Variants in ACTL8 observed in about 807,000 individuals in gnomAD.
ACTL8 encodes the protein actin-like protein 8.
A neutral mutation model predicts 9.3 loss-of-function variants in ACTL8; 3 were observed. The observed-to-expected ratio is 0.32, with a 90% CI of 0.15 to 0.83. The LOEUF (loss-of-function observed/expected upper bound fraction) is 0.83, where lower values mean the gene tolerates loss of function less well. Ranked by LOEUF, ACTL8 falls within the 40% of genes least tolerant of loss-of-function variation. The probability of loss-of-function intolerance (pLI) is 0.57; values close to 1 mark genes in which losing one functional copy is unlikely to be tolerated. For synonymous variants in ACTL8, 224 were observed against 205.9 expected, an observed-to-expected ratio of 1.09 and a Z score of -0.75; for missense variants, 381 against 492.2, an observed-to-expected ratio of 0.77 and a Z score of 2.14.
intron 1 of ACTL8, among the ~76,000 whole-genome samples, chr1:17,800,262 C>T (rs1374529329): frequency 1.3e-5 from 2 of 152,192 alleles, no homozygotes; most frequent in Non-Finnish European, 2.9e-5. Context: ...TCTTGAGCAT[C>T]TGATTCAATT....
intron 1 of ACTL8, among the ~76,000 whole-genome samples, chr1:17,820,020 T>A (rs2053639152): frequency 6.6e-6 from 1 of 151,904 alleles, no homozygotes; most frequent in South Asian, 2.1e-4. Flanking sequence ...AAAAAAAAAC[T>A]TTGTTTTTAC....
intron 1 of ACTL8, among the ~76,000 whole-genome samples, chr1:17,773,789 A>G (rs1166182246): frequency 6.6e-6 from 1 of 152,252 alleles, no homozygotes; most frequent in East Asian, 1.9e-4. Context: ...ATTCATGCAG[A>G]GTCCATAGAA....
intron 1 of ACTL8, among the ~76,000 whole-genome samples, chr1:17,791,538 G>A (rs1167461658): frequency 1.3e-5 from 2 of 152,216 alleles, no homozygotes; most frequent in African/African-American, 4.8e-5. Context: ...CAGCTCAAGT[G>A]CCTGGTGGTG....
At chr1:17,779,935 A>G (rs1350040741) in intron 1 of ACTL8, among the ~76,000 whole-genome samples, 1 of 152,166 alleles carries the variant, frequency 6.6e-6, no homozygotes, top group East Asian at 1.9e-4. Context: ...GGCTGGGTGC[A>G]GTGGCTCATA....
In ACTL8 at chr1:17,779,738, C is replaced by T. The variant is rs139098630; in HGVS notation, c.-25+24234C>T. On this transcript the variant is annotated intron_variant, in intron 1 of 2. Transcript: ENST00000375406. ...AGGGGACAGACCACAAGCACACAGA[C>T]GTCCCGCTGCTTTTTAACAGTCTTA... Among the ~76,000 whole-genome samples the T allele has an allele frequency of 2.9e-4, 44 of 152,288 alleles. 1 individual carries two copies. Among genetic ancestry groups the T allele is most frequent in the Admixed American group, 1.2e-3 (18 of 15,296 alleles).
chr1:17,786,027 A>G (rs1013428381), intron 1 of ACTL8, among the ~76,000 whole-genome samples: 13 of 152,104 alleles, frequency 8.5e-5, no homozygotes, highest in African/African-American at 2.9e-4. Context: ...GCTCCAGCCT[A>G]TTTCTGGCTC....
intron 1 of ACTL8, among the ~76,000 whole-genome samples, chr1:17,758,982 T>C (rs542391543): frequency 1.6e-4 from 25 of 152,314 alleles, no homozygotes; most frequent in Middle Eastern, 3.4e-3. Context: ...ATATAGTCCA[T>C]GACGACTCCT....
chr1:17,810,777 T>TA (rs1356723679), intron 1 of ACTL8, among the ~76,000 whole-genome samples: 5 of 152,346 alleles, frequency 3.3e-5, no homozygotes, highest in Admixed American at 6.5e-5. Context: ...GTAAGTCTGG[T>TA]TTATTTCATG....
chr1:17,769,964 T>C (rs940985075), intron 1 of ACTL8, among the ~76,000 whole-genome samples: 3 of 152,208 alleles, frequency 2.0e-5, no homozygotes, highest in Non-Finnish European at 4.4e-5. Flanking sequence ...GTCTGGATTA[T>C]TTGGGTCTCC....
chr1:17,819,049 G>GCCTCCCAGCCTCCT (rs1404148146), intron 1 of ACTL8, among the ~76,000 whole-genome samples: 1 of 152,180 alleles, frequency 6.6e-6, no homozygotes, highest in Non-Finnish European at 1.5e-5. Flanking sequence ...AATGGCCCCT[G>GCCTCCCAGCCTCCT]CCTCCCAGCC....
rs201038955 is a variant in ACTL8 at position 17,823,220 on chromosome 1, G to T, written c.212G>T (p.Arg71Leu). The T allele has an allele frequency of 8.1e-6, 13 of 1,614,016 alleles. No homozygotes were observed. Among genetic ancestry groups the T allele is most frequent in the Non-Finnish European group, 1.1e-5 (13 of 1,180,030 alleles). ...TTTAGCTACCCCATCGAGCGGGGCC[G>T]CATCCTCAACTGGGAGGGTGTGCAG... is the stretch of plus-strand genomic sequence containing the variant. ...DTFSYPIERG[R>L]ILNWEGVQYL... Residue 71 changes from arginine (R) to leucine (L), a missense_variant, in exon 2 of 3, where the codon CGC (arginine) becomes CTC (leucine). By Grantham distance (102) the Arg-to-Leu change is moderately radical. Transcript: ENST00000375406. The surrounding 1 kb of genome is among the most constrained non-coding windows in gnomAD (Gnocchi z 5.3).
chr1:17,820,568 CTTTTTTT>C (rs36094618), intron 1 of ACTL8, among the ~76,000 whole-genome samples: 37 of 139,546 alleles, frequency 2.7e-4, no homozygotes, highest in African/African-American at 7.7e-4. Flanking sequence ...GTATGTTGAA[CTTTTTTT>C]TTTTTTTTTG....
At chr1:17,789,975 T>C (rs2066226159) in intron 1 of ACTL8, among the ~76,000 whole-genome samples, 1 of 152,192 alleles carries the variant, frequency 6.6e-6, no homozygotes, top group Admixed American at 6.5e-5. Context: ...GTCCCACGCC[T>C]GCCAAGGGAG....
intron 1 of ACTL8, among the ~76,000 whole-genome samples, chr1:17,820,162 T>TC (rs1208055760): frequency 6.6e-6 from 1 of 152,144 alleles, no homozygotes; most frequent in Non-Finnish European, 1.5e-5. Flanking sequence ...CCTCTGGTCA[T>TC]CCCCTCTCAC....
Position 17,768,751 on chromosome 1 carries a change from C to T in ACTL8, c.-25+13247C>T, listed in dbSNP as rs115611515. On this transcript the variant is annotated intron_variant, in intron 1 of 2. Transcript: ENST00000375406. ...GTCAGGCTCACTGCAGGGGCGAAGG[C>T]CTGGAGGCTGGGTTTGGTGGAGGTG... is the stretch of plus-strand genomic sequence containing the variant. 8.6e-3 allele frequency among the ~76,000 whole-genome samples: 1,315 copies of T among 152,142 alleles called. 17 individuals carry two copies. The highest frequency in any genetic ancestry group is 0.03 in the African/African-American group (1,241 of 41,484).
At chr1:17,797,225 C>G (rs999160990) in intron 1 of ACTL8, among the ~76,000 whole-genome samples, 3 of 152,196 alleles carry the variant, frequency 2.0e-5, no homozygotes, top group Non-Finnish European at 4.4e-5. Context: ...AGGACAGCAG[C>G]TGCCACCTGC....
chr1:17,822,673 G>A (rs2053673411), intron 1 of ACTL8, among the ~76,000 whole-genome samples: 2 of 152,186 alleles, frequency 1.3e-5, no homozygotes, highest in Non-Finnish European at 2.9e-5. Flanking sequence ...CCTTTGCAGA[G>A]TTGGATTGTG....
chr1:17,798,797 C>A (rs943773100), intron 1 of ACTL8, among the ~76,000 whole-genome samples: 6 of 152,198 alleles, frequency 3.9e-5, no homozygotes, highest in African/African-American at 1.4e-4. Context: ...GCTCCTGGAC[C>A]CTCCTGGTGG....
Position 17,823,287 on chromosome 1 carries a change from A to T in ACTL8, c.279A>T (p.Gln93His). The T allele has an allele frequency of 6.2e-7, 1 of 1,614,124 alleles. No individual in the cohort carries two copies. Among genetic ancestry groups the T allele is most frequent in the Non-Finnish European group, 8.5e-7 (1 of 1,179,998 alleles). Residue 93 changes from glutamine (Q) to histidine (H), a missense_variant, in exon 2 of 3, where the codon CAA becomes CAT. Gln to His is a conservative substitution (Grantham distance 24). This residue lies in a region of ACTL8 where 125 missense variants were observed against 180.7 expected (regional missense o/e 0.69). Coordinates refer to ENST00000375406, the MANE Select transcript of ACTL8 (RefSeq NM_030812.3). The surrounding 1 kb of genome is among the most constrained non-coding windows in gnomAD (Gnocchi z 5.3). ...TGTTGGAGAACCACAGACGGGAGCAAGAGGTCCCCCCTGTGATCATCACGG... is the reference window on the plus strand; with the variant it reads ...TGTTGGAGAACCACAGACGGGAGCATGAGGTCCCCCCTGTGATCATCACGG... Reference protein sequence around the residue: ...SFVLENHRREQEVPPVIITET... With the variant: ...SFVLENHRREHEVPPVIITET...
Sources: allele counts gnomAD v4.1 joint callset (sites outside exome capture counted in the v4.1 genomes callset), GRCh38; gene constraint gnomAD v4.1.1; regional missense constraint gnomAD v4.1.1; non-coding constraint Gnocchi (gnomAD v3.1); transcripts MANE v1.5; gene names NCBI Gene and HGNC (gene_info 2026-07-23, HGNC 2026-07-21).